GABRG1: variants seen among roughly 807,000 people sequenced by gnomAD.
The protein encoded by GABRG1 is gamma-aminobutyric acid type A receptor subunit gamma1.
GABRG1 carries 49 observed loss-of-function variants against 49.8 expected under a neutral mutation model. The observed-to-expected ratio is 0.98, with a 90% CI of 0.78 to 1.25. GABRG1 has a LOEUF of 1.25. GABRG1 is among the 50% of genes most tolerant of loss of function. GABRG1 has a pLI of 0.00. For missense variants in GABRG1, 552 were observed against 552.3 expected, an observed-to-expected ratio of 1.00 and a Z score of 0.01; for synonymous variants, 232 against 185.1, an observed-to-expected ratio of 1.25 and a Z score of -2.06.
At chr4:46,112,862 A>C (rs982650257) in intron 1 of GABRG1, among the ~76,000 whole-genome samples, 3 of 151,034 alleles carry the variant, frequency 2.0e-5, no homozygotes, top group African/African-American at 7.3e-5. Context: ...GATTATTCCT[A>C]CTTCAAAGCT....
chr4:46,060,862 T>C (rs1405355280), intron 5 of GABRG1, among the ~76,000 whole-genome samples: 2 of 152,156 alleles, frequency 1.3e-5, no homozygotes, highest in Non-Finnish European at 2.9e-5. Flanking sequence ...CAAATAAACA[T>C]GATTGGCTAA....
At chr4:46,042,265 G>A (rs900377588) in intron 8 of GABRG1, among the ~76,000 whole-genome samples, 22 of 151,898 alleles carry the variant, frequency 1.4e-4, no homozygotes, top group Middle Eastern at 3.4e-3. Context: ...TTCATGCTAA[G>A]ATAAACATAC....
intron 2 of GABRG1, among the ~76,000 whole-genome samples, chr4:46,092,811 C>T (rs1233014524): frequency 1.3e-5 from 2 of 151,854 alleles, no homozygotes; most frequent in African/African-American, 2.4e-5. Flanking sequence ...CCTGTAATCC[C>T]AGCCCTTTAG....
chr4:46,091,818 CA>C (rs1222469041), intron 2 of GABRG1, among the ~76,000 whole-genome samples: 1 of 151,994 alleles, frequency 6.6e-6, no homozygotes, highest in Non-Finnish European at 1.5e-5. Context: ...CCCACAGATT[CA>C]AGAAGCTCTG....
At chr4:46,083,065 G>A (rs1719632743) in intron 3 of GABRG1, among the ~76,000 whole-genome samples, 1 of 151,648 alleles carries the variant, frequency 6.6e-6, no homozygotes, top group East Asian at 1.9e-4. Context: ...TGCACCATGA[G>A]CATTTGGGGT....
chr4:46,120,056 C>T (rs1721049701), intron 1 of GABRG1, among the ~76,000 whole-genome samples: 1 of 151,766 alleles, frequency 6.6e-6, no homozygotes, highest in East Asian at 1.9e-4. Context: ...GACAACTCCA[C>T]ACTAATGAAG....
intron 3 of GABRG1, among the ~76,000 whole-genome samples, chr4:46,065,973 C>T (rs1417448238): frequency 3.3e-5 from 5 of 152,160 alleles, no homozygotes; most frequent in Non-Finnish European, 7.4e-5. Flanking sequence ...CTGCCCGGCT[C>T]ATCCTCCCAA....
chr4:46,061,425 A>T (rs1718669246), intron 5 of GABRG1, among the ~76,000 whole-genome samples: 1 of 152,140 alleles, frequency 6.6e-6, no homozygotes, highest in Non-Finnish European at 1.5e-5. Context: ...ATTACACTCT[A>T]CCAAATTCTA....
chr4:46,078,513 A>G (rs1719443413), intron 3 of GABRG1, among the ~76,000 whole-genome samples: 1 of 151,956 alleles, frequency 6.6e-6, no homozygotes, highest in Non-Finnish European at 1.5e-5. Context: ...AGAGAGGGTG[A>G]GAAAGAGATC....
chr4:46,068,066 C>A (rs1718983693), intron 3 of GABRG1, among the ~76,000 whole-genome samples: 1 of 152,058 alleles, frequency 6.6e-6, no homozygotes, highest in African/African-American at 2.4e-5. Flanking sequence ...AAATGACTAA[C>A]CATTCAGTCT....
intron 1 of GABRG1, among the ~76,000 whole-genome samples, chr4:46,110,117 T>C (rs1720671394): frequency 6.6e-6 from 1 of 151,140 alleles, no homozygotes; most frequent in Non-Finnish European, 1.5e-5. Flanking sequence ...AGTGGGATGT[T>C]GAAATCTTCA....
chr4:46,052,084 C>A (rs1446544106), intron 7 of GABRG1, among the ~76,000 whole-genome samples: 3 of 151,758 alleles, frequency 2.0e-5, no homozygotes, highest in Non-Finnish European at 2.9e-5. Flanking sequence ...CTTCTCATTG[C>A]CTTCTGCTGG....
chr4:46,056,693 T>C (rs1413048146), intron 7 of GABRG1, among the ~76,000 whole-genome samples: 1 of 152,072 alleles, frequency 6.6e-6, no homozygotes, highest in Non-Finnish European at 1.5e-5. Flanking sequence ...CCAAAAACAC[T>C]GCTTGTTTAA....
intron 5 of GABRG1, among the ~76,000 whole-genome samples, chr4:46,059,894 C>T (rs1718607045): frequency 6.6e-6 from 1 of 152,026 alleles, no homozygotes; most frequent in African/African-American, 2.4e-5. Context: ...TTTTGGATTG[C>T]TTCTTTGAGG....
rs1236150906 is a variant in GABRG1, at chr4:46,036,124, A to G, written c.*4864T>C. ...ACAGCCTTTACTATTCACACACTCA[A>G]AGGGTCCAGGTATGTTTCATTGTCC... On this transcript the variant is annotated 3_prime_UTR_variant, in exon 9 of 9. Coordinates refer to ENST00000295452, the MANE Select transcript of GABRG1 (RefSeq NM_173536.4). 6.6e-6 allele frequency: 1 copy of G among 151,810 alleles called. No homozygotes were observed. The highest frequency in any genetic ancestry group is 1.5e-5 in the Non-Finnish European group (1 of 67,832). The allele number at this position is 151,810 out of a possible 1,614,324, so 9.4% of individuals were successfully genotyped here. A position where few individuals can be genotyped will look rare whatever the true frequency, so the allele number is the denominator to read the frequency against.
chr4:46,118,700 G>C (rs188377634), intron 1 of GABRG1, among the ~76,000 whole-genome samples: 2 of 151,284 alleles, frequency 1.3e-5, no homozygotes, highest in South Asian at 4.1e-4. Flanking sequence ...GTAGTGCTCA[G>C]TGAGTATTTA....
chr4:46,052,123 C>G (rs1231286392), intron 7 of GABRG1, among the ~76,000 whole-genome samples: 2 of 151,650 alleles, frequency 1.3e-5, no homozygotes, highest in African/African-American at 4.8e-5. Flanking sequence ...ATAGCACTAT[C>G]TTAAAACATT....
intron 3 of GABRG1, among the ~76,000 whole-genome samples, chr4:46,070,579 T>A (rs1391174): frequency 1.3e-5 from 2 of 151,642 alleles, no homozygotes; most frequent in Non-Finnish European, 2.9e-5. Flanking sequence ...AGGTACTCCA[T>A]AGAAACACAG....
chr4:46,082,608 T>C (rs1046110643), intron 3 of GABRG1, among the ~76,000 whole-genome samples: 3 of 151,764 alleles, frequency 2.0e-5, no homozygotes, highest in Non-Finnish European at 4.4e-5. Flanking sequence ...CAACTGAATT[T>C]CTCCTAACAA....
Sources: allele counts gnomAD v4.1 joint callset (sites outside exome capture counted in the v4.1 genomes callset), GRCh38; gene constraint gnomAD v4.1.1; transcripts MANE v1.5; gene names NCBI Gene and HGNC (gene_info 2026-07-23, HGNC 2026-07-21).